Variants in VAT1L observed in about 807,000 individuals in gnomAD.
The protein encoded by VAT1L is vesicle amine transport 1 like, also known as putative NADPH-dependent quinone oxidoreductase VAT1L.
A neutral mutation model predicts 44.1 loss-of-function variants in VAT1L; 34 were observed. That is an observed-to-expected ratio of 0.77 (90% CI 0.59 to 1.03). The LOEUF (loss-of-function observed/expected upper bound fraction) is 1.03, where lower values mean the gene tolerates loss of function less well. Among genes scored for constraint, VAT1L ranks in the 50% least tolerant of loss-of-function variants. The probability of loss-of-function intolerance (pLI) is 0.00; values close to 1 mark genes in which losing one functional copy is unlikely to be tolerated. For missense variants in VAT1L, 615 were observed against 538.8 expected (o/e 1.14, Z -1.40); for synonymous variants, 253 against 202.2 (o/e 1.25, Z -2.13).
intron 7 of VAT1L, among the ~76,000 whole-genome samples, chr16:77,931,075 T>C (rs1224796927): frequency 6.6e-6 from 1 of 152,216 alleles, no homozygotes; most frequent in Non-Finnish European, 1.5e-5. Flanking sequence ...AGTCAGTTAG[T>C]GGTGGACCTG....
At chr16:77,898,903 C>G (rs762726163) in intron 7 of VAT1L, among the ~76,000 whole-genome samples, 5 of 152,218 alleles carry the variant, frequency 3.3e-5, no homozygotes, top group Non-Finnish European at 1.5e-5. Flanking sequence ...AACCCTCCAA[C>G]CATCTAGTCT....
chr16:77,821,129 T>C (rs1351447987), intron 2 of VAT1L, among the ~76,000 whole-genome samples: 3 of 152,322 alleles, frequency 2.0e-5, no homozygotes, highest in East Asian at 1.9e-4. Context: ...GCACCAAGCA[T>C]TGGGTCATGC....
chr16:77,932,544 T>C (rs2017744919), intron 7 of VAT1L, among the ~76,000 whole-genome samples: 1 of 152,240 alleles, frequency 6.6e-6, no homozygotes, highest in Non-Finnish European at 1.5e-5. Flanking sequence ...TCTCACTGAA[T>C]ACAAGTTCAC....
At chr16:77,966,583 G>A (rs1227629984) in intron 7 of VAT1L, among the ~76,000 whole-genome samples, 1 of 152,182 alleles carries the variant, frequency 6.6e-6, no homozygotes, top group African/African-American at 2.4e-5. Context: ...CCAGAAACAT[G>A]CAGTCCAGTG....
chr16:77,962,874 A>T (rs2018179188), intron 7 of VAT1L, among the ~76,000 whole-genome samples: 2 of 152,134 alleles, frequency 1.3e-5, no homozygotes, highest in African/African-American at 4.8e-5. Context: ...TAAGCCTGGG[A>T]GGTAGAGGCT....
At chr16:77,904,621 C>CT (rs1237757770) in intron 7 of VAT1L, among the ~76,000 whole-genome samples, 1 of 152,204 alleles carries the variant, frequency 6.6e-6, no homozygotes, top group East Asian at 1.9e-4. Flanking sequence ...TCCAAATACT[C>CT]TAACCATTGC....
chr16:77,938,245 G>A (rs2017828097), intron 7 of VAT1L, among the ~76,000 whole-genome samples: 1 of 152,178 alleles, frequency 6.6e-6, no homozygotes, highest in Non-Finnish European at 1.5e-5. Flanking sequence ...TGTGTCTTAT[G>A]TCTCCCTTGC....
chr16:77,906,366 G>C (rs1279328873), intron 7 of VAT1L, among the ~76,000 whole-genome samples: 1 of 152,164 alleles, frequency 6.6e-6, no homozygotes, highest in African/African-American at 2.4e-5. Context: ...TGCTTGACCT[G>C]GTTCTCCATC....
intron 7 of VAT1L, among the ~76,000 whole-genome samples, chr16:77,912,561 A>T (rs1214223407): frequency 6.6e-6 from 1 of 152,022 alleles, no homozygotes; most frequent in East Asian, 1.9e-4. Flanking sequence ...CTTTATGTTT[A>T]TTATTATTAT....
At chr16:77,968,688 G>A (rs1241445614) in intron 7 of VAT1L, among the ~76,000 whole-genome samples, 1 of 148,858 alleles carries the variant, frequency 6.7e-6, no homozygotes, top group African/African-American at 2.5e-5. Flanking sequence ...TCACGCCACT[G>A]CACTCCAGCG....
At chr16:77,789,200 G>C (rs962153826) in intron 1 of VAT1L, among the ~76,000 whole-genome samples, 1 of 152,330 alleles carries the variant, frequency 6.6e-6, no homozygotes. Context: ...TGCGCTACGG[G>C]AGTTCTCCGT....
chr16:77,884,386 G>C lies in VAT1L; in HGVS notation c.883-222G>C, dbSNP rs1345975838. Among the ~76,000 whole-genome samples the C allele has an allele frequency of 6.6e-6, 1 of 151,996 alleles. No homozygotes were observed. The highest frequency in any genetic ancestry group is 1.5e-5 in the Non-Finnish European group (1 of 67,996). On this transcript the variant is annotated intron_variant, in intron 6 of 8. Transcript: ENST00000302536. The surrounding 1 kb of genome is among the most constrained non-coding windows in gnomAD (Gnocchi z 4.5). ...TGCAGTAAGCTGAGATCATGCCACT[G>C]CACTCCAGCCTGGGCTACAGAGTGA...
At chr16:77,946,002 A>T (rs1286502347) in intron 7 of VAT1L, among the ~76,000 whole-genome samples, 7 of 151,832 alleles carry the variant, frequency 4.6e-5, no homozygotes, top group Non-Finnish European at 1.0e-4. Flanking sequence ...GGGTTTCACC[A>T]TGTTGGTCAG....
chr16:77,796,041 G>A (rs2015927908), intron 1 of VAT1L, among the ~76,000 whole-genome samples: 1 of 152,006 alleles, frequency 6.6e-6, no homozygotes, highest in Non-Finnish European at 1.5e-5. Context: ...GGCCAGGCTG[G>A]TCTCGAATTC....
chr16:77,819,062 C>G (rs915348899), intron 2 of VAT1L, among the ~76,000 whole-genome samples: 2 of 152,044 alleles, frequency 1.3e-5, no homozygotes, highest in African/African-American at 4.8e-5. Flanking sequence ...AATGTGCCTG[C>G]CTCTGGACTC....
chr16:77,928,473 C>T (rs187746053), intron 7 of VAT1L, among the ~76,000 whole-genome samples: 6 of 152,094 alleles, frequency 3.9e-5, no homozygotes, highest in Non-Finnish European at 7.4e-5. Flanking sequence ...TTTTTCATAA[C>T]ACTATCCTGT....
chr16:77,972,955 G>T (rs892313974), intron 8 of VAT1L, among the ~76,000 whole-genome samples: 3 of 151,768 alleles, frequency 2.0e-5, no homozygotes, highest in African/African-American at 7.3e-5. Context: ...CAGAGTGCTG[G>T]GATTATAGGC....
intron 3 of VAT1L, among the ~76,000 whole-genome samples, chr16:77,857,657 AATAG>A (rs756844858): frequency 9.3e-5 from 14 of 150,364 alleles, no homozygotes; most frequent in South Asian, 2.1e-4. Context: ...TTACTTATTA[AATAG>A]ATAGTATATA....
intron 7 of VAT1L, among the ~76,000 whole-genome samples, chr16:77,943,157 A>G: frequency 6.9e-6 from 1 of 144,576 alleles, no homozygotes; most frequent in East Asian, 2.1e-4. Flanking sequence ...CCCGGGTTCA[A>G]GCGATTCTCC....
Sources: allele counts gnomAD v4.1 joint callset (sites outside exome capture counted in the v4.1 genomes callset), GRCh38; gene constraint gnomAD v4.1.1; non-coding constraint Gnocchi (gnomAD v3.1); transcripts MANE v1.5; gene names NCBI Gene and HGNC (gene_info 2026-07-23, HGNC 2026-07-21).